Variants in GPM6A observed in about 807,000 individuals in gnomAD.
GPM6A encodes the protein neuronal membrane glycoprotein M6-a.
A neutral mutation model predicts 32.1 loss-of-function variants in GPM6A; 7 were observed. The observed-to-expected ratio is 0.22, with a 90% CI of 0.12 to 0.41. The LOEUF (loss-of-function observed/expected upper bound fraction) is 0.41, where lower values mean the gene tolerates loss of function less well. Ranked by LOEUF, GPM6A falls within the 10% of genes least tolerant of loss-of-function variation. GPM6A has a pLI of 1.00. For missense variants in GPM6A, 235 were observed against 347.2 expected (o/e 0.68, Z 2.57); for synonymous variants, 130 against 123.4 (o/e 1.05, Z -0.35).
intron 1 of GPM6A, among the ~76,000 whole-genome samples, chr4:175,714,451 G>A (rs1198636875): frequency 2.6e-5 from 4 of 151,908 alleles, no homozygotes; most frequent in African/African-American, 7.3e-5. Context: ...TGGTGTGATC[G>A]TAGCTCACTG....
At chr4:175,856,891 G>C (rs1191796721) in intron 1 of GPM6A, among the ~76,000 whole-genome samples, 2 of 152,176 alleles carry the variant, frequency 1.3e-5, no homozygotes, top group East Asian at 3.9e-4. Flanking sequence ...GGTTTTGGAG[G>C]GGGCATGGCA....
At position 175,758,039 on chromosome 4, in the gene GPM6A, T is replaced by C. The variant is rs144856538; in HGVS notation, c.37+54152A>G. ...TGGAGAAGTAAGTGCCATCACACAA[T>C]GGAAGAAGTTCAGTTCCTGGAGTAG... On this transcript the variant is annotated intron_variant, in intron 1 of 6. Coordinates refer to ENST00000393658, the MANE Select transcript of GPM6A (RefSeq NM_201591.3). 2.0e-3 allele frequency among the ~76,000 whole-genome samples: 304 copies of C among 152,294 alleles called. 2 individuals carry two copies. Among genetic ancestry groups the C allele is most frequent in the Middle Eastern group, 6.8e-3 (2 of 294 alleles).
At chr4:175,814,070 A>G (rs1371213136), upstream of GPM6A, among the ~76,000 whole-genome samples, 4 of 152,260 alleles carry the variant, frequency 2.6e-5, no homozygotes, top group Non-Finnish European at 5.9e-5. Flanking sequence ...AACCTGGCAT[A>G]TAATCAACAC....
chr4:175,776,026 C>T (rs1039909174), intron 1 of GPM6A, among the ~76,000 whole-genome samples: 3 of 152,096 alleles, frequency 2.0e-5, no homozygotes, highest in Non-Finnish European at 4.4e-5. Context: ...GCCAAGGACA[C>T]AATATACCTG....
At chr4:175,794,679 A>G (rs140848635) in intron 1 of GPM6A, among the ~76,000 whole-genome samples, 1 of 152,298 alleles carries the variant, frequency 6.6e-6, no homozygotes, top group Non-Finnish European at 1.5e-5. Context: ...GCCTGGAAAA[A>G]GCTTCCTAAT....
At chr4:175,646,015 G>C (rs1270109550) in intron 4 of GPM6A, among the ~76,000 whole-genome samples, 1 of 151,908 alleles carries the variant, frequency 6.6e-6, no homozygotes, top group East Asian at 1.9e-4. Context: ...TTCCTCTATA[G>C]TCCATCTGCC....
chr4:175,777,336 A>G (rs917940106), intron 1 of GPM6A, among the ~76,000 whole-genome samples: 2 of 152,108 alleles, frequency 1.3e-5, no homozygotes, highest in African/African-American at 4.8e-5. Flanking sequence ...ACACCTGTTT[A>G]TTATTATCTA....
chr4:175,853,546 T>C (rs1259181584), intron 1 of GPM6A, among the ~76,000 whole-genome samples: 1 of 139,258 alleles, frequency 7.2e-6, no homozygotes, highest in African/African-American at 2.7e-5. Flanking sequence ...ACAGAAACAA[T>C]GAGATCAAGA....
intron 1 of GPM6A, among the ~76,000 whole-genome samples, chr4:175,833,133 A>G (rs1042870193): frequency 7.9e-5 from 12 of 152,212 alleles, no homozygotes; most frequent in Admixed American, 5.2e-4. Context: ...TGAGTAGGGC[A>G]TGATAAATGT....
intron 3 of GPM6A, among the ~76,000 whole-genome samples, chr4:175,663,361 A>G (rs1742542043): frequency 6.6e-6 from 1 of 152,170 alleles, no homozygotes; most frequent in African/African-American, 2.4e-5. Context: ...AGTCCATGCT[A>G]AAAAGAAGTG....
chr4:175,825,949 G>T (rs1407969554), intron 1 of GPM6A, among the ~76,000 whole-genome samples: 2 of 152,124 alleles, frequency 1.3e-5, no homozygotes, highest in African/African-American at 2.4e-5. Context: ...GGAGTCCGAG[G>T]AGGGCAGATT....
At chr4:175,851,225 C>T (rs1028103104) in intron 1 of GPM6A, among the ~76,000 whole-genome samples, 3 of 151,200 alleles carry the variant, frequency 2.0e-5, no homozygotes, top group Non-Finnish European at 2.9e-5. Context: ...GGTGTGGTGG[C>T]GGGCACCTGT....
chr4:175,689,912 T>C (rs1744203367), intron 2 of GPM6A, among the ~76,000 whole-genome samples: 1 of 152,196 alleles, frequency 6.6e-6, no homozygotes, highest in Non-Finnish European at 1.5e-5. Flanking sequence ...GCCAGAGCAC[T>C]GGGTGTGTGT....
chr4:175,742,980 G>A (rs982444360), intron 1 of GPM6A, among the ~76,000 whole-genome samples: 7 of 151,694 alleles, frequency 4.6e-5, no homozygotes, highest in East Asian at 1.9e-4. Flanking sequence ...GACCCCATTC[G>A]CCACAAAAAG....
chr4:175,943,633 AT>A (rs1166415355), intron 1 of GPM6A, among the ~76,000 whole-genome samples: 2 of 152,158 alleles, frequency 1.3e-5, no homozygotes, highest in African/African-American at 4.8e-5. Flanking sequence ...ATCCATTGAG[AT>A]AATCATGTGG....
chr4:175,879,601 A>T (rs7654327), intron 1 of GPM6A, among the ~76,000 whole-genome samples: 4 of 152,156 alleles, frequency 2.6e-5, no homozygotes, highest in African/African-American at 9.7e-5. Context: ...TAATTCAATT[A>T]TCTCCACCTG....
intron 1 of GPM6A, among the ~76,000 whole-genome samples, chr4:175,916,705 T>A: frequency 6.6e-6 from 1 of 152,070 alleles, no homozygotes; most frequent in East Asian, 1.9e-4. Flanking sequence ...ACTTTCTAAT[T>A]ATAGAATCAG....
At chr4:175,733,031 A>G (rs560659218) in intron 1 of GPM6A, among the ~76,000 whole-genome samples, 1 of 152,326 alleles carries the variant, frequency 6.6e-6, no homozygotes, top group East Asian at 1.9e-4. Flanking sequence ...AGGGACAGAC[A>G]ATATAATAAC....
In GPM6A at chr4:175,948,657, T is replaced by C. The variant is rs1274229118; in HGVS notation, c.-23+53652A>G. 5.3e-5 allele frequency among the ~76,000 whole-genome samples: 8 copies of C among 152,214 alleles called. No homozygotes were observed. The South Asian group carries it at 1.7e-3, about 32-fold the overall frequency. On this transcript the variant is annotated intron_variant, in intron 1 of 7. Coordinates refer to the GPM6A transcript ENST00000280187. ...GTAACTCAAAAACACAAATATATCA[T>C]ATGGGTTAATACAACCACATAAGAA...
Sources: allele counts gnomAD v4.1 joint callset (sites outside exome capture counted in the v4.1 genomes callset), GRCh38; gene constraint gnomAD v4.1.1; transcripts MANE v1.5; gene names NCBI Gene and HGNC (gene_info 2026-07-23, HGNC 2026-07-21).